The following KCNMA1 variants were observed in gnomAD, a reference collection of about 807,000 sequenced individuals.
KCNMA1 encodes the protein potassium calcium-activated channel subfamily M alpha 1, also known as Calcium-activated potassium channel subunit alpha-1.
KCNMA1 carries 29 observed loss-of-function variants against 140.0 expected under a neutral mutation model. The observed-to-expected ratio is 0.21, with a 90% CI of 0.15 to 0.28. KCNMA1 has a LOEUF of 0.28. Among genes scored for constraint, KCNMA1 ranks in the 10% least tolerant of loss-of-function variants. The pLI, the probability that KCNMA1 is intolerant of heterozygous loss-of-function variation, is 1.00. For missense variants in KCNMA1, 880 were observed against 1,602.2 expected (o/e 0.55, Z 7.70); for synonymous variants, 612 against 611.9 (o/e 1.00, Z 0.00).
chr10:76,974,238 T>A lies in KCNMA1; in HGVS notation c.2267-4171A>T, dbSNP rs116666388. The A allele has an allele frequency of 3.3e-3, 1,532 of 458,460 alleles. 29 individuals are homozygous for A. The highest frequency in any genetic ancestry group is 0.028 in the African/African-American group (1,423 of 50,090). The allele number at this position is 458,460 out of a possible 1,614,324, so 28.4% of individuals were successfully genotyped here. ...GCAAAGTGGTTTGAACACAAAGGCA[T>A]CTAGCTAACAGGGCTTCCGACTGAA... On this transcript the variant is annotated intron_variant, in intron 19 of 27. Transcript: ENST00000286628.
At chr10:77,144,082 G>GA (rs1026359645) in intron 5 of KCNMA1, among the ~76,000 whole-genome samples, 10 of 150,104 alleles carry the variant, frequency 6.7e-5, no homozygotes, top group African/African-American at 1.5e-4. Flanking sequence ...ATTTACCCAA[G>GA]AAAAAAAAAT....
intron 1 of KCNMA1, among the ~76,000 whole-genome samples, chr10:77,633,864 G>C (rs2093466094): frequency 6.6e-6 from 1 of 152,184 alleles, no homozygotes; most frequent in Non-Finnish European, 1.5e-5. Flanking sequence ...TTAAAGAGAA[G>C]TAGACCACAT....
chr10:77,387,294 T>A (rs1436488994), intron 2 of KCNMA1, among the ~76,000 whole-genome samples: 1 of 152,158 alleles, frequency 6.6e-6, no homozygotes, highest in East Asian at 1.9e-4. Flanking sequence ...AGCTGACAAA[T>A]TTGCTGTTTC....
chr10:77,150,542 C>G (rs987195451), intron 5 of KCNMA1, among the ~76,000 whole-genome samples: 2 of 152,140 alleles, frequency 1.3e-5, no homozygotes, highest in African/African-American at 4.8e-5. Context: ...TAAAGAAGTA[C>G]AAACAATCAC....
intron 3 of KCNMA1, among the ~76,000 whole-genome samples, chr10:77,244,187 G>T (rs755539533): frequency 6.6e-6 from 1 of 152,204 alleles, no homozygotes; most frequent in Non-Finnish European, 1.5e-5. Context: ...CTCCAGCTCT[G>T]CCCCTGGCTG....
chr10:77,465,990 A>G (rs901458338), intron 1 of KCNMA1, among the ~76,000 whole-genome samples: 1 of 152,172 alleles, frequency 6.6e-6, no homozygotes. Context: ...CCATCCCAAG[A>G]AAGTGTTCCT....
At chr10:77,433,327 ATTTTTAGTAGAGACAGGG>A in intron 1 of KCNMA1, among the ~76,000 whole-genome samples, 1 of 152,066 alleles carries the variant, frequency 6.6e-6, no homozygotes, top group East Asian at 1.9e-4. Flanking sequence ...TAATTTTTGT[ATTTTTAGTAGAGACAGGG>A]TTTCACCATG....
At position 77,025,279 on chromosome 10, in the gene KCNMA1, T is replaced by TATATATATATATAC. The variant is rs1555137436; in HGVS notation, c.1928+2543_1928+2544insGTATATATATATAT. Among the ~76,000 whole-genome samples the TATATATATATATAC allele has an allele frequency of 3.0e-5, 4 of 132,390 alleles. No homozygotes were observed. The South Asian group carries it at 1.0e-3, about 34-fold the overall frequency. The allele number at this position is 132,390 out of a possible 152,430, so 86.9% of individuals were successfully genotyped here. A position where few individuals can be genotyped will look rare whatever the true frequency, so the allele number is the denominator to read the frequency against. On this transcript the variant is annotated intron_variant, in intron 16 of 27. Transcript: ENST00000286628. The stretch of plus-strand genomic sequence containing the variant: ...ATATATATATATATATATATATATA[T>TATATATATATATAC]ATACACACACACATATATAATATAG...
chr10:76,873,050 G>A (rs755818326), downstream of KCNMA1: 3 of 152,106 alleles, frequency 2.0e-5, no homozygotes, highest in Non-Finnish European at 2.9e-5. Context: ...TCCATGTGGG[G>A]CTGTGATATC....
intron 9 of KCNMA1, among the ~76,000 whole-genome samples, chr10:77,102,251 C>G (rs1370525704): frequency 6.6e-6 from 1 of 152,152 alleles, no homozygotes; most frequent in Non-Finnish European, 1.5e-5. Context: ...CTCTGGCACA[C>G]TAGACAATTT....
downstream of KCNMA1, among the ~76,000 whole-genome samples, chr10:76,879,942 G>A (rs1041118600): frequency 9.9e-5 from 15 of 152,160 alleles, no homozygotes. Context: ...ATGATTTTCA[G>A]AGAGGTTGAG....
At chr10:76,939,705 G>C (rs2061498856) in intron 23 of KCNMA1, 1 of 152,156 alleles carries the variant, frequency 6.6e-6, no homozygotes, top group African/African-American at 2.4e-5. Context: ...AGGGTAAGCA[G>C]GAAGCAACTA....
chr10:77,301,241 G>C (rs1249890233), intron 2 of KCNMA1, among the ~76,000 whole-genome samples: 1 of 152,194 alleles, frequency 6.6e-6, no homozygotes, highest in Non-Finnish European at 1.5e-5. Context: ...TGGGAAATGA[G>C]AAAACCTGCC....
At chr10:77,275,236 T>G (rs2066330020) in intron 2 of KCNMA1, among the ~76,000 whole-genome samples, 2 of 152,204 alleles carry the variant, frequency 1.3e-5, no homozygotes, top group South Asian at 4.1e-4. Context: ...AGGATACTCT[T>G]TCTGATGTCT....
chr10:76,914,885 G>T, intron 24 of KCNMA1, 51 bp downstream of exon 24: 2 of 1,288,832 alleles, frequency 1.6e-6, no homozygotes, highest in Non-Finnish European at 2.3e-6. Flanking sequence ...TATCCTGTAT[G>T]GTTTGAAAGA....
intron 1 of KCNMA1, 117 bp downstream of exon 1, chr10:77,637,148 A>T: frequency 8.0e-7 from 1 of 1,246,194 alleles, no homozygotes; most frequent in Non-Finnish European, 1.1e-6. Flanking sequence ...CGGCGAGGGG[A>T]AGGCAGGCGG....
At chr10:77,103,185 G>C (rs1355677499) in intron 9 of KCNMA1, among the ~76,000 whole-genome samples, 1 of 152,194 alleles carries the variant, frequency 6.6e-6, no homozygotes, top group Non-Finnish European at 1.5e-5. Context: ...AGATAATTAA[G>C]TACTCTAGTT....
At chr10:77,154,452 CT>C (rs1396919200) in intron 5 of KCNMA1, among the ~76,000 whole-genome samples, 2 of 152,168 alleles carry the variant, frequency 1.3e-5, no homozygotes, top group Admixed American at 6.5e-5. Context: ...CTAACCACCC[CT>C]AGCCCTGATT....
At chr10:76,948,517 T>C (rs1017176093) in intron 22 of KCNMA1, among the ~76,000 whole-genome samples, 1 of 152,172 alleles carries the variant, frequency 6.6e-6, no homozygotes. Flanking sequence ...CACTAAATTG[T>C]GGAGTCCCAG....
Sources: allele counts gnomAD v4.1 joint callset (sites outside exome capture counted in the v4.1 genomes callset), GRCh38; gene constraint gnomAD v4.1.1; transcripts MANE v1.5; gene names NCBI Gene and HGNC (gene_info 2026-07-23, HGNC 2026-07-21).